GTF2IRD2: variants seen among roughly 807,000 people sequenced by gnomAD.
GTF2IRD2 encodes the protein GTF2I repeat domain containing 2.
A neutral mutation model predicts 49.2 loss-of-function variants in GTF2IRD2; 8 were observed. The ratio of observed to expected loss-of-function variants is 0.16; its 90% CI spans 0.10 to 0.29. The LOEUF (loss-of-function observed/expected upper bound fraction) is 0.29, where lower values mean the gene tolerates loss of function less well. GTF2IRD2 is among the 10% of genes least tolerant of loss of function. The pLI is 1.00. For missense variants in GTF2IRD2, 130 were observed against 725.7 expected (o/e 0.18, Z 9.43); for synonymous variants, 47 against 289.7 (o/e 0.16, Z 8.51).
At chr7:74,818,712 G>A (rs1554418296) in intron 8 of GTF2IRD2, 1 of 149,058 alleles carries the variant, frequency 6.7e-6, no homozygotes, top group Non-Finnish European at 1.5e-5. Context: ...GGCCTCCCAA[G>A]GTGTTGGAGT....
chr7:74,847,285 G>A (rs1182143552), intron 1 of GTF2IRD2, among the ~76,000 whole-genome samples: 5 of 28,946 alleles, frequency 1.7e-4, no homozygotes, highest in Admixed American at 6.1e-4. Flanking sequence ...ACACTGAGCC[G>A]CAGGGCTTGG....
intron 3 of GTF2IRD2, among the ~76,000 whole-genome samples, chr7:74,831,171 CA>C: frequency 6.6e-6 from 1 of 150,892 alleles, no homozygotes; most frequent in South Asian, 2.1e-4. Context: ...AAATTTGAAT[CA>C]ATCTATCACT....
rs373635724 is a variant in GTF2IRD2 at position 74,818,398 on chromosome 7, T to C, written c.670+1156A>G. The stretch of plus-strand genomic sequence containing the variant: ...ATAATATTCTGTCCAAAAGTATGTG[T>C]ATTTAATAACATCTTAGTCCCTATT... On this transcript the variant is annotated intron_variant, in intron 8 of 15. Coordinates refer to ENST00000451013, the MANE Select transcript of GTF2IRD2 (RefSeq NM_173537.5). Among the ~76,000 whole-genome samples the C allele has an allele frequency of 4.1e-5, 6 of 147,238 alleles. No homozygotes were observed. The East Asian group carries it at 1.0e-3, about 26-fold the overall frequency.
At chr7:74,840,612 C>T (rs1332421702) in intron 1 of GTF2IRD2, among the ~76,000 whole-genome samples, 3 of 125,876 alleles carry the variant, frequency 2.4e-5, no homozygotes, top group Middle Eastern at 4.7e-3. Flanking sequence ...TCCCTGCACC[C>T]TTCACTTGGG....
At chr7:74,834,687 TA>T (rs1290865785) in intron 2 of GTF2IRD2, among the ~76,000 whole-genome samples, 1 of 119,448 alleles carries the variant, frequency 8.4e-6, no homozygotes, top group Admixed American at 8.0e-5. Flanking sequence ...TGCTTTCTTC[TA>T]AAATTAATTC....
chr7:74,806,440 G>A (rs1797756029), intron 12 of GTF2IRD2, among the ~76,000 whole-genome samples: 1 of 150,140 alleles, frequency 6.7e-6, no homozygotes, highest in Admixed American at 6.6e-5. Context: ...CTCCCGAGTA[G>A]CTGGGACTAC....
rs587617579 is a variant in GTF2IRD2, at chr7:74,796,223, T to C, written c.*439A>G. On this transcript the variant is annotated 3_prime_UTR_variant, in exon 16 of 16. Transcript: ENST00000451013. ...AACAAGTATGATACTGCAGATTATA[T>C]TTCTGATTCAAAGTGGAAAAAAAAC... 2.4e-5 allele frequency: 6 copies of C among 245,650 alleles called. No individual in the cohort carries two copies. Among genetic ancestry groups the C allele is most frequent in the African/African-American group, 1.2e-4 (5 of 42,506 alleles). 15.2% of individuals were successfully genotyped at this position (245,650 alleles called of 1,614,324 possible). A position where few individuals can be genotyped will look rare whatever the true frequency, so the allele number is the denominator to read the frequency against.
chr7:74,806,291 AAAG>A (rs2131648314), intron 12 of GTF2IRD2, among the ~76,000 whole-genome samples: 2 of 136,932 alleles, frequency 1.5e-5, no homozygotes, highest in South Asian at 2.6e-4. Context: ...CATATTCAGA[AAAG>A]AAGATTATTA....
chr7:74,838,346 G>T, intron 1 of GTF2IRD2, among the ~76,000 whole-genome samples: 1 of 127,916 alleles, frequency 7.8e-6, no homozygotes, highest in African/African-American at 4.1e-5. Flanking sequence ...TCGGACTTCT[G>T]TCTCCTAAAA....
intron 3 of GTF2IRD2, among the ~76,000 whole-genome samples, chr7:74,827,830 CTT>C (rs1188223440): frequency 2.5e-4 from 8 of 31,380 alleles, no homozygotes; most frequent in Admixed American, 8.2e-4. Flanking sequence ...TTTCCTTTCC[CTT>C]TTTTTTTTTT....
rs1470786689 is a variant in GTF2IRD2, at chr7:74,835,995, A to C, written c.99+285T>G. Among the ~76,000 whole-genome samples, 2 of 129,344 alleles carry C rather than the reference A, an allele frequency of 1.5e-5. 1 individual carries two copies. Among genetic ancestry groups the C allele is most frequent in the African/African-American group, 8.3e-5 (2 of 24,148 alleles). The allele number at this position is 129,344 out of a possible 152,430, so 84.9% of individuals were successfully genotyped here. On this transcript the variant is annotated intron_variant, in intron 2 of 15. Coordinates refer to ENST00000451013, the MANE Select transcript of GTF2IRD2 (RefSeq NM_173537.5). The stretch of plus-strand genomic sequence containing the variant: ...GCAAGACTCTGTCTCAAAAAAAAAA[A>C]ACAAAAATTAGCTGGATGTGGTGGC...
chr7:74,847,701 C>CAA (rs1352189923), intron 1 of GTF2IRD2, among the ~76,000 whole-genome samples: 4 of 102 alleles, frequency 0.039, no homozygotes, highest in East Asian at 0.5. Flanking sequence ...AACTCCATCT[C>CAA]AAAAAAAAAA....
At chr7:74,825,801 T>A (rs1799327903) in intron 3 of GTF2IRD2, among the ~76,000 whole-genome samples, 1 of 117,220 alleles carries the variant, frequency 8.5e-6, no homozygotes, top group Admixed American at 1.2e-4. Context: ...CTTTCTTTCT[T>A]CTTTTTTTTT....
In GTF2IRD2 at chr7:74,841,657, C is replaced by G. The variant is rs1226973980; in HGVS notation, c.-5-5274G>C. Among the ~76,000 whole-genome samples the G allele has an allele frequency of 1.4e-5, 2 of 142,860 alleles. 1 individual carries two copies. The highest frequency in any genetic ancestry group is 5.7e-5 in the African/African-American group (2 of 35,230). 93.7% of individuals were successfully genotyped at this position (142,860 alleles called of 152,430 possible). A position where few individuals can be genotyped will look rare whatever the true frequency, so the allele number is the denominator to read the frequency against. Reference sequence around the variant, plus strand: ...ACTACTTCCTATGAATGTTTCACTTCTGACCTTTTATGAATCCCCTCAACT... The same window carrying G: ...ACTACTTCCTATGAATGTTTCACTTGTGACCTTTTATGAATCCCCTCAACT... On this transcript the variant is annotated intron_variant, in intron 1 of 15. Transcript: ENST00000451013.
intron 6 of GTF2IRD2, 108 bp downstream of exon 6, chr7:74,822,319 G>T: frequency 9.4e-7 from 1 of 1,068,020 alleles, no homozygotes. Flanking sequence ...CAAAGTGCTG[G>T]GATTACAGGT....
At chr7:74,832,719 T>C (rs1256222257) in intron 3 of GTF2IRD2, 86 bp downstream of exon 3, 5 of 652,624 alleles carry the variant, frequency 7.7e-6, no homozygotes, top group Admixed American at 5.6e-5. Context: ...AGAATGCTTA[T>C]GATAGCTTAG....
At chr7:74,815,785 A>C (rs1798454790) in intron 8 of GTF2IRD2, among the ~76,000 whole-genome samples, 2 of 43,640 alleles carry the variant, frequency 4.6e-5, no homozygotes, top group Non-Finnish European at 9.8e-5. Flanking sequence ...AAAGAAGGAA[A>C]GAAAGAAAGA....
In GTF2IRD2 at chr7:74,796,286, T is replaced by G. The variant is rs1179175679; in HGVS notation, c.*376A>C. On this transcript the variant is annotated 3_prime_UTR_variant, in exon 16 of 16. Transcript: ENST00000451013. ...AAGTTTAAGAACTCATTTTGTCAGC[T>G]GGGCACAGTGGTTCATGCCTGTAAT... is the stretch of plus-strand genomic sequence containing the variant. The G allele has an allele frequency of 3.3e-5, 9 of 269,184 alleles. No homozygotes were observed. The highest frequency in any genetic ancestry group is 1.4e-5 in the Non-Finnish European group (2 of 138,142). 16.7% of individuals were successfully genotyped at this position (269,184 alleles called of 1,614,324 possible).
Position 74,817,200 on chromosome 7 carries a change from C to T in GTF2IRD2, c.670+2354G>A, listed in dbSNP as rs1347228362. Among the ~76,000 whole-genome samples, 2 of 15,210 alleles carry T rather than the reference C, an allele frequency of 1.3e-4. 1 individual carries two copies. The highest frequency in any genetic ancestry group is 1.9e-4 in the Non-Finnish European group (2 of 10,680). The allele number at this position is 15,210 out of a possible 152,430, so 10.0% of individuals were successfully genotyped here. ...CCAAGTAGCTGGGATTACAGGCGTG[C>T]GTGGTGGCGCCTAATTTTTGTATTT... On this transcript the variant is annotated intron_variant, in intron 8 of 15. Transcript: ENST00000451013.
Sources: gnomAD v4.1 joint callset for allele counts (sites outside exome capture counted in the v4.1 genomes callset) on GRCh38, gnomAD v4.1.1 for gene constraint, MANE v1.5 for transcripts, NCBI Gene and HGNC (gene_info 2026-07-23, HGNC 2026-07-21) for gene names.